The following BABAM2 variants were observed in gnomAD, a reference collection of about 807,000 sequenced individuals.
BABAM2 encodes the protein BRISC and BRCA1-A complex member 2.
In BABAM2, 31 loss-of-function variants were observed where a neutral mutation model predicts 54.7. That is an observed-to-expected ratio of 0.57 (90% CI 0.43 to 0.77). The LOEUF (loss-of-function observed/expected upper bound fraction) is 0.77. Among genes scored for constraint, BABAM2 ranks in the 30% least tolerant of loss-of-function variants. BABAM2 has a pLI of 0.00. For missense variants in BABAM2, 364 were observed against 455.8 expected (o/e 0.80, Z 1.83); for synonymous variants, 167 against 162.9 (o/e 1.03, Z -0.19).
At chr2:27,907,672 C>T (rs776051344) in intron 2 of BABAM2, among the ~76,000 whole-genome samples, 4 of 152,156 alleles carry the variant, frequency 2.6e-5, no homozygotes, top group Non-Finnish European at 5.9e-5. Context: ...CATTAAACAA[C>T]AACTTCCATT....
Position 28,144,478 on chromosome 2 carries a change from A to G in BABAM2, c.680+15098A>G, listed in dbSNP as rs189041788. 4.6e-3 allele frequency among the ~76,000 whole-genome samples: 694 copies of G among 152,292 alleles called. 3 individuals are homozygous for G. The highest frequency in any genetic ancestry group is 0.016 in the African/African-American group (666 of 41,560). ...ACCCCACTTCAAACTTGAGAATCTC[A>G]TGATAGCTGTAACCATCCACAACTC... is the stretch of plus-strand genomic sequence containing the variant. On this transcript the variant is annotated intron_variant, in intron 7 of 11. Transcript: ENST00000379624.
chr2:28,249,373 G>A (rs1484331365), intron 10 of BABAM2, among the ~76,000 whole-genome samples: 1 of 152,118 alleles, frequency 6.6e-6, no homozygotes, highest in East Asian at 1.9e-4. Flanking sequence ...ATAGGTGTGA[G>A]CCACTGCACC....
At chr2:27,966,976 T>G (rs886321760) in intron 3 of BABAM2, among the ~76,000 whole-genome samples, 1 of 152,198 alleles carries the variant, frequency 6.6e-6, no homozygotes, top group Non-Finnish European at 1.5e-5. Context: ...TGTGGGGTTG[T>G]CATTTAACAG....
intron 5 of BABAM2, among the ~76,000 whole-genome samples, chr2:28,043,963 G>A (rs1677347921): frequency 6.6e-6 from 1 of 152,166 alleles, no homozygotes; most frequent in Non-Finnish European, 1.5e-5. Flanking sequence ...TGGTGGCACA[G>A]TGGCTTCTAT....
intron 7 of BABAM2, among the ~76,000 whole-genome samples, chr2:28,180,734 T>G (rs1675530523): frequency 6.6e-6 from 1 of 151,888 alleles, no homozygotes. Context: ...AGGACTAATA[T>G]CCAAAATATG....
At chr2:28,227,694 C>T (rs1681014802) in intron 7 of BABAM2, among the ~76,000 whole-genome samples, 1 of 152,146 alleles carries the variant, frequency 6.6e-6, no homozygotes, top group African/African-American at 2.4e-5. Flanking sequence ...ATGGGAGGCA[C>T]ATTTGCATTG....
chr2:28,248,042 C>T (rs1683054246), intron 10 of BABAM2, among the ~76,000 whole-genome samples: 1 of 152,086 alleles, frequency 6.6e-6, no homozygotes, highest in Admixed American at 6.6e-5. Flanking sequence ...GTAGCAGGAT[C>T]AGAAACTTGC....
chr2:28,201,693 A>G (rs1357448874), intron 7 of BABAM2, among the ~76,000 whole-genome samples: 3 of 152,214 alleles, frequency 2.0e-5, no homozygotes, highest in African/African-American at 7.2e-5. Context: ...ATTTGGCTCT[A>G]TCAGGAGTCT....
rs180748744 is a variant in BABAM2 at position 28,239,811 on chromosome 2, G to A, written c.781-1512G>A. Among the ~76,000 whole-genome samples the A allele has an allele frequency of 3.8e-4, 58 of 152,306 alleles. No homozygotes were observed. The East Asian group carries it at 4.1e-3, about 11-fold the overall frequency. On this transcript the variant is annotated intron_variant, in intron 8 of 11. Coordinates refer to ENST00000379624, the MANE Select transcript of BABAM2 (RefSeq NM_199191.3). ...CTCCAGTAAATACTAAAACCATTAG[G>A]TGAAAGGTTGATGGGAAACTAGGTT...
At chr2:28,247,358 T>C (rs1041036520) in intron 10 of BABAM2, among the ~76,000 whole-genome samples, 6 of 152,226 alleles carry the variant, frequency 3.9e-5, no homozygotes, top group African/African-American at 1.2e-4. Flanking sequence ...ATCTAAAATA[T>C]AGGACTTGCT....
chr2:27,933,417 AT>A (rs1668242052), intron 3 of BABAM2, among the ~76,000 whole-genome samples: 1 of 152,056 alleles, frequency 6.6e-6, no homozygotes, highest in Middle Eastern at 3.2e-3. Context: ...CATGGAAACT[AT>A]ATTTATAAAA....
intron 11 of BABAM2, 77 bp from the exon 12 acceptor site, chr2:28,338,373 T>C: frequency 7.7e-7 from 1 of 1,304,244 alleles, no homozygotes. Context: ...TGAGTTAGCT[T>C]GAAAGCTCCC....
intron 7 of BABAM2, among the ~76,000 whole-genome samples, chr2:28,200,217 C>G (rs149168762): frequency 6.6e-6 from 1 of 152,272 alleles, no homozygotes; most frequent in Non-Finnish European, 1.5e-5. Flanking sequence ...CACTGAATTC[C>G]TTTCCCCTTA....
chr2:28,198,404 G>A (rs527791097), intron 7 of BABAM2, among the ~76,000 whole-genome samples: 145 of 152,188 alleles, frequency 9.5e-4, no homozygotes, highest in Non-Finnish European at 1.6e-3. Context: ...CTGACCTTGT[G>A]ATCCACCCAC....
intron 10 of BABAM2, among the ~76,000 whole-genome samples, chr2:28,285,306 A>T (rs1686698437): frequency 6.6e-6 from 1 of 152,188 alleles, no homozygotes; most frequent in Non-Finnish European, 1.5e-5. Flanking sequence ...TCCTCACTCA[A>T]CACTCGGCTT....
chr2:28,131,465 A>G (rs1188623723), intron 7 of BABAM2, among the ~76,000 whole-genome samples: 4 of 152,158 alleles, frequency 2.6e-5, no homozygotes, highest in Admixed American at 6.5e-5. Context: ...GGCATAAGGC[A>G]AGGGCTCTGA....
At chr2:28,265,284 G>A (rs1422996505) in intron 10 of BABAM2, among the ~76,000 whole-genome samples, 1 of 152,086 alleles carries the variant, frequency 6.6e-6, no homozygotes, top group African/African-American at 2.4e-5. Flanking sequence ...AAAATTAGCT[G>A]GGCATGGTGG....
chr2:28,148,805 T>C (rs116678609), intron 7 of BABAM2, among the ~76,000 whole-genome samples: 1 of 152,332 alleles, frequency 6.6e-6, no homozygotes, highest in Non-Finnish European at 1.5e-5. Context: ...TGAAACCCAG[T>C]CCACATCCCA....
chr2:28,231,316 C>T lies in BABAM2; in HGVS notation c.681-5886C>T, dbSNP rs540936132. Among the ~76,000 whole-genome samples, 15 of 152,252 alleles carry T rather than the reference C, an allele frequency of 9.9e-5. No homozygotes were observed. In the South Asian group the frequency reaches 3.1e-3, roughly 32 times the overall value. On this transcript the variant is annotated intron_variant, in intron 7 of 11. Transcript: ENST00000379624. ...CTAGTATTACAGAGTGCCCCAGATT[C>T]TTGAGGTCCCTGGCATTCCTCTACT...
Sources: allele counts gnomAD v4.1 joint callset (sites outside exome capture counted in the v4.1 genomes callset), GRCh38; gene constraint gnomAD v4.1.1; transcripts MANE v1.5; gene names NCBI Gene and HGNC (gene_info 2026-07-23, HGNC 2026-07-21).